Variants in COL5A2 observed in about 807,000 individuals in gnomAD.
The protein encoded by COL5A2 is collagen type V alpha 2 chain.
In COL5A2, 23 loss-of-function variants were observed where a neutral mutation model predicts 208.2. That is an observed-to-expected ratio of 0.11 (90% CI 0.08 to 0.16). The LOEUF (loss-of-function observed/expected upper bound fraction) is 0.16, where lower values mean the gene tolerates loss of function less well. COL5A2 is among the 10% of genes least tolerant of loss of function. The pLI is 1.00. For synonymous variants in COL5A2, 625 were observed against 628.5 expected (o/e 0.99, Z 0.08); for missense variants, 1,590 against 1,956.4 (o/e 0.81, Z 3.53).
the COL5A2 span, among the ~76,000 whole-genome samples, chr2:189,336,614 A>G: frequency 6.6e-6 from 1 of 152,226 alleles, no homozygotes; most frequent in African/African-American, 2.4e-5. Flanking sequence ...AGCCAAACCC[A>G]AAAGAACAGA....
chr2:189,102,649 C>T (rs1186013591), intron 3 of COL5A2, among the ~76,000 whole-genome samples: 2 of 151,958 alleles, frequency 1.3e-5, no homozygotes, highest in Non-Finnish European at 1.5e-5. Flanking sequence ...AATGTCATTA[C>T]CATGGAAGCA....
the COL5A2 span, among the ~76,000 whole-genome samples, chr2:189,438,365 T>G: frequency 6.6e-6 from 1 of 152,194 alleles, no homozygotes; most frequent in Non-Finnish European, 1.5e-5. Flanking sequence ...TTGCTGGTAT[T>G]TATCCTAGAA....
At chr2:189,276,349 T>C in the COL5A2 span, among the ~76,000 whole-genome samples, 2 of 152,200 alleles carry the variant, frequency 1.3e-5, no homozygotes, top group Non-Finnish European at 2.9e-5. Flanking sequence ...AACCACCACA[T>C]GCTATTTAAT....
At chr2:189,044,501 T>G (rs1685623218) in intron 47 of COL5A2, among the ~76,000 whole-genome samples, 1 of 152,184 alleles carries the variant, frequency 6.6e-6, no homozygotes, top group South Asian at 2.1e-4. Flanking sequence ...AAAATTACAA[T>G]GTTTCTATAA....
chr2:189,050,544 A>G, intron 43 of COL5A2, 25 bp downstream of exon 43: 2 of 1,512,934 alleles, frequency 1.3e-6, no homozygotes, highest in Non-Finnish European at 9.0e-7. Context: ...TATGAGATAA[A>G]ATATTGACCG....
the COL5A2 span, among the ~76,000 whole-genome samples, chr2:189,248,132 T>C: frequency 6.6e-6 from 1 of 152,234 alleles, no homozygotes; most frequent in Non-Finnish European, 1.5e-5. Context: ...GGAAGGTAAG[T>C]ATTCAAGCCA....
At chr2:189,418,439 C>G in the COL5A2 span, among the ~76,000 whole-genome samples, 1 of 152,094 alleles carries the variant, frequency 6.6e-6, no homozygotes, top group East Asian at 1.9e-4. Flanking sequence ...GTGACCATGA[C>G]CTACATGGAA....
At chr2:189,094,475 T>C (rs1020712302) in intron 6 of COL5A2, among the ~76,000 whole-genome samples, 14 of 151,280 alleles carry the variant, frequency 9.3e-5, no homozygotes, top group African/African-American at 2.4e-4. Flanking sequence ...AAAAGTACTT[T>C]GAGGTTGCCA....
At chr2:189,346,624 T>C in the COL5A2 span, among the ~76,000 whole-genome samples, 9 of 152,362 alleles carry the variant, frequency 5.9e-5, no homozygotes, top group Middle Eastern at 3.4e-3. Context: ...TGTACAGATA[T>C]ATTAGACAAG....
the COL5A2 span, among the ~76,000 whole-genome samples, chr2:189,254,686 G>A: frequency 2.6e-5 from 4 of 152,182 alleles, no homozygotes; most frequent in African/African-American, 9.7e-5. Flanking sequence ...CATTCACCCT[G>A]ACATTACGCC....
At chr2:189,155,857 C>A (rs531803198) in intron 1 of COL5A2, among the ~76,000 whole-genome samples, 1 of 152,230 alleles carries the variant, frequency 6.6e-6, no homozygotes. Context: ...TGCACCCCTT[C>A]TGGAAGCCCC....
chr2:189,427,443 T>A, the COL5A2 span, among the ~76,000 whole-genome samples: 125 of 152,274 alleles, frequency 8.2e-4, no homozygotes, highest in Non-Finnish European at 1.5e-3. Context: ...ACTAGGACAA[T>A]GCAGAAGGAA....
At chr2:189,294,091 A>G in the COL5A2 span, among the ~76,000 whole-genome samples, 3 of 127,590 alleles carry the variant, frequency 2.4e-5, no homozygotes, top group Admixed American at 8.0e-5. Context: ...CCGTCTCAAG[A>G]AAAAAAAAAA....
chr2:189,075,030 A>T (rs1476142119), intron 17 of COL5A2, among the ~76,000 whole-genome samples: 3 of 152,118 alleles, frequency 2.0e-5, no homozygotes, highest in African/African-American at 7.2e-5. Flanking sequence ...TCGCCTCTCA[A>T]TCCAATTTTA....
At chr2:189,231,004 G>A in the COL5A2 span, among the ~76,000 whole-genome samples, 3 of 152,012 alleles carry the variant, frequency 2.0e-5, no homozygotes, top group Admixed American at 6.6e-5. Context: ...ACTTAAAAAA[G>A]AAAATCCTGG....
chr2:189,199,052 G>A (rs558805584), intron 1 of COL5A2, among the ~76,000 whole-genome samples: 12 of 145,340 alleles, frequency 8.3e-5, no homozygotes, highest in African/African-American at 3.0e-4. Context: ...ATATGCTGGT[G>A]TATACTATTA....
chr2:189,373,560 T>G, the COL5A2 span, among the ~76,000 whole-genome samples: 1 of 152,196 alleles, frequency 6.6e-6, no homozygotes, highest in African/African-American at 2.4e-5. Context: ...TATTTTTGTC[T>G]TATAGGTTCC....
the COL5A2 span, among the ~76,000 whole-genome samples, chr2:189,367,551 C>G: frequency 1.3e-5 from 2 of 152,174 alleles, no homozygotes; most frequent in Non-Finnish European, 2.9e-5. Context: ...CACTAAGAAG[C>G]CACTTTCCAC....
chr2:189,044,904 A>G (rs1685632586), intron 47 of COL5A2, among the ~76,000 whole-genome samples: 1 of 152,162 alleles, frequency 6.6e-6, no homozygotes, highest in African/African-American at 2.4e-5. Context: ...GAAATGCACT[A>G]TAATTCCTAT....
Sources: gnomAD v4.1 joint callset for allele counts (sites outside exome capture counted in the v4.1 genomes callset) on GRCh38, gnomAD v4.1.1 for gene constraint, MANE v1.5 for transcripts, NCBI Gene and HGNC (gene_info 2026-07-23, HGNC 2026-07-21) for gene names.